The following SCARB1 variants were observed in gnomAD, a reference collection of about 807,000 sequenced individuals.
SCARB1 encodes the protein scavenger receptor class B member 1, also known as CD36 and LIMPII analogous 1.
SCARB1 carries 30 observed loss-of-function variants against 57.2 expected under a neutral mutation model. That is an observed-to-expected ratio of 0.52 (90% CI 0.39 to 0.71). The LOEUF is 0.71. SCARB1 is among the 30% of genes least tolerant of loss of function. SCARB1 has a pLI of 0.00. For synonymous variants in SCARB1, 249 were observed against 268.3 expected, an observed-to-expected ratio of 0.93 and a Z score of 0.70; for missense variants, 543 against 671.2, an observed-to-expected ratio of 0.81 and a Z score of 2.11.
chr12:124,842,952 C>T (rs577004656), intron 1 of SCARB1, among the ~76,000 whole-genome samples: 9 of 152,282 alleles, frequency 5.9e-5, no homozygotes, highest in African/African-American at 1.7e-4. Flanking sequence ...GTGCCACGGA[C>T]GGGAAGGATA....
At chr12:124,834,397 A>G (rs937617936) in intron 1 of SCARB1, among the ~76,000 whole-genome samples, 1 of 152,244 alleles carries the variant, frequency 6.6e-6, no homozygotes, top group Non-Finnish European at 1.5e-5. Context: ...GGGCCCAACC[A>G]ACAAGGGGCT....
intron 1 of SCARB1, among the ~76,000 whole-genome samples, chr12:124,851,147 C>T (rs1027856702): frequency 3.9e-5 from 6 of 152,208 alleles, no homozygotes; most frequent in Non-Finnish European, 1.5e-5. Flanking sequence ...TTTAATTCTC[C>T]TTCAATATCC....
chr12:124,781,649 G>C (rs1244542709), intron 12 of SCARB1, among the ~76,000 whole-genome samples: 2 of 152,200 alleles, frequency 1.3e-5, no homozygotes, highest in African/African-American at 4.8e-5. Context: ...GTGAATTTCA[G>C]GTGAACTACA....
intron 12 of SCARB1, among the ~76,000 whole-genome samples, chr12:124,779,911 C>T (rs969667298): frequency 2.0e-5 from 3 of 152,232 alleles, no homozygotes; most frequent in African/African-American, 7.2e-5. Flanking sequence ...CCACACCACC[C>T]ACTGAGGCAG....
chr12:124,781,763 T>C (rs1283740375), intron 12 of SCARB1, among the ~76,000 whole-genome samples: 2 of 151,348 alleles, frequency 1.3e-5, no homozygotes, highest in African/African-American at 4.8e-5. Flanking sequence ...CTTCTGTTGT[T>C]TCTTGTGTTT....
At chr12:124,840,078 C>T in intron 1 of SCARB1, 1 of 1,284,422 alleles carries the variant, frequency 7.8e-7, no homozygotes, top group Non-Finnish European at 1.0e-6. Flanking sequence ...TTTCTGTTTT[C>T]TCAAGTGACC....
chr12:124,813,691 C>T (rs936672806), intron 4 of SCARB1, among the ~76,000 whole-genome samples: 5 of 152,118 alleles, frequency 3.3e-5, no homozygotes, highest in South Asian at 2.1e-4. Flanking sequence ...CGCAGCACCA[C>T]GATATCCCCC....
chr12:124,826,979 A>G (rs2135727646), intron 1 of SCARB1, among the ~76,000 whole-genome samples: 1 of 152,298 alleles, frequency 6.6e-6, no homozygotes, highest in African/African-American at 2.4e-5. Flanking sequence ...ATGTGGGGAA[A>G]GCTTTAACTG....
chr12:124,802,234 A>G (rs936185570), intron 7 of SCARB1, among the ~76,000 whole-genome samples: 4 of 152,130 alleles, frequency 2.6e-5, no homozygotes, highest in African/African-American at 7.2e-5. Context: ...TTACTGCATG[A>G]GGCTTTAACT....
At position 124,855,379 on chromosome 12, in the gene SCARB1, G is replaced by A. The variant is rs371220663; in HGVS notation, c.126+8216C>T. On this transcript the variant is annotated intron_variant, in intron 1 of 12. Coordinates refer to ENST00000261693, the MANE Select transcript of SCARB1 (RefSeq NM_005505.5). Reference sequence around the variant, plus strand: ...CAGGCGGAGTGTCTCCATATCTCACGCAGGCTTTGGGAGGAAAATCGCCCC... The same window carrying A: ...CAGGCGGAGTGTCTCCATATCTCACACAGGCTTTGGGAGGAAAATCGCCCC... 9.9e-4 allele frequency among the ~76,000 whole-genome samples: 150 copies of A among 152,266 alleles called. No individual in the cohort carries two copies. The Middle Eastern group carries it at 0.017, about 17-fold the overall frequency.
In SCARB1 at chr12:124,817,080, GTGTA is replaced by G. The variant is rs151287984; in HGVS notation, c.284+466_284+469del. Among the ~76,000 whole-genome samples, 5,099 of 150,464 alleles carry G rather than the reference GTGTA, an allele frequency of 0.034. 331 individuals are homozygous for G. Among genetic ancestry groups the G allele is most frequent in the African/African-American group, 0.12 (4,764 of 40,104 alleles). On this transcript the variant is annotated intron_variant, in intron 2 of 12. Transcript: ENST00000261693. This position sits in a 1 kb window ranked among gnomAD's most constrained non-coding sequence, Gnocchi z 4.8. ...TGTATGCATGTGTAGGTACATGTGTGTGTATGTATGTGTGTGTGTATGTGTATGT... is the reference window on the plus strand; with the variant it reads ...TGTATGCATGTGTAGGTACATGTGTGTGTATGTGTGTGTGTATGTGTATGT...
rs192452260 is a variant in SCARB1 at position 124,844,549 on chromosome 12, C to T, written c.126+19046G>A. On this transcript the variant is annotated intron_variant, in intron 1 of 12. Transcript: ENST00000261693. ...GGCGCGGGGGGCAGGGCCTTTAAATCGGTGATTACGTTTAAATGAGGTCAG... is the reference window on the plus strand; with the variant it reads ...GGCGCGGGGGGCAGGGCCTTTAAATTGGTGATTACGTTTAAATGAGGTCAG... Among the ~76,000 whole-genome samples, 637 of 152,032 alleles carry T rather than the reference C, an allele frequency of 4.2e-3. 3 individuals carry two copies. Among genetic ancestry groups the T allele is most frequent in the Non-Finnish European group, 6.3e-3 (428 of 67,950 alleles).
At chr12:124,834,515 T>C (rs748187700) in intron 1 of SCARB1, among the ~76,000 whole-genome samples, 7 of 152,186 alleles carry the variant, frequency 4.6e-5, no homozygotes, top group Non-Finnish European at 8.8e-5. Flanking sequence ...AGAACGACTT[T>C]TGGTGTGAGC....
rs561188201 is a variant in SCARB1 at position 124,796,199 on chromosome 12, C to A, written c.1129-931G>T. On this transcript the variant is annotated intron_variant, in intron 8 of 12. Coordinates refer to ENST00000261693, the MANE Select transcript of SCARB1 (RefSeq NM_005505.5). This position sits in a 1 kb window ranked among gnomAD's most constrained non-coding sequence, Gnocchi z 4.0. ...AAACTCCTGGCAGCAAGCGAACTGC[C>A]CACCTTGGCCTCCCAAAGTGGGATT... 2.4e-4 allele frequency among the ~76,000 whole-genome samples: 36 copies of A among 152,320 alleles called. No homozygotes were observed. In the South Asian group the frequency reaches 7.2e-3, roughly 31 times the overall value.
chr12:124,839,245 A>G (rs1416507849), intron 1 of SCARB1: 3 of 455,564 alleles, frequency 6.6e-6, no homozygotes, highest in East Asian at 7.0e-5. Context: ...GGCACCCACC[A>G]TTCTCTTTTC....
At chr12:124,805,480 T>C (rs1002832552) in intron 7 of SCARB1, among the ~76,000 whole-genome samples, 30 of 152,162 alleles carry the variant, frequency 2.0e-4, no homozygotes, top group Admixed American at 1.4e-3. Context: ...GGCTGGATCC[T>C]GCAGGGCCCA....
intron 1 of SCARB1, among the ~76,000 whole-genome samples, chr12:124,826,474 T>C (rs187659024): frequency 6.6e-6 from 1 of 152,274 alleles, no homozygotes; most frequent in Admixed American, 6.5e-5. Context: ...TATTATTTAT[T>C]TATTTTGAAA....
chr12:124,809,883 C>T (rs1202076325), intron 6 of SCARB1, among the ~76,000 whole-genome samples: 1 of 152,154 alleles, frequency 6.6e-6, no homozygotes, highest in African/African-American at 2.4e-5. Context: ...GCCCACCTCT[C>T]GCCTCCATTT....
Position 124,846,332 on chromosome 12 carries a change from G to A in SCARB1, c.126+17263C>T, listed in dbSNP as rs189897344. On this transcript the variant is annotated intron_variant, in intron 1 of 12. Transcript: ENST00000261693. ...TCTCCATGCAGGTGAAGACACGCAC[G>A]CCATGACCAGACCCCCTACTCTGAC... is the stretch of plus-strand genomic sequence containing the variant. 1.7e-4 allele frequency among the ~76,000 whole-genome samples: 26 copies of A among 152,278 alleles called. No individual in the cohort carries two copies. The East Asian group carries it at 4.4e-3, about 26-fold the overall frequency.
Sources: allele counts gnomAD v4.1 joint callset (sites outside exome capture counted in the v4.1 genomes callset), GRCh38; gene constraint gnomAD v4.1.1; non-coding constraint Gnocchi (gnomAD v3.1); transcripts MANE v1.5; gene names NCBI Gene and HGNC (gene_info 2026-07-23, HGNC 2026-07-21).